The following ZDHHC15 variants were observed in gnomAD, a reference collection of about 807,000 sequenced individuals.
ZDHHC15 encodes the protein zDHHC palmitoyltransferase 15, also known as palmitoyltransferase ZDHHC15.
Under a neutral mutation model 31.7 loss-of-function variants are expected in ZDHHC15, and 19 were observed. That is an observed-to-expected ratio of 0.60 (90% CI 0.42 to 0.88). The LOEUF (loss-of-function observed/expected upper bound fraction) is 0.88, where lower values mean the gene tolerates loss of function less well. Ranked by LOEUF, ZDHHC15 falls within the 40% of genes least tolerant of loss-of-function variation. The probability of loss-of-function intolerance (pLI) is 0.00; values close to 1 mark genes in which losing one functional copy is unlikely to be tolerated. For missense variants in ZDHHC15, 209 were observed against 251.2 expected (o/e 0.83, Z 1.14); for synonymous variants, 103 against 90.0 (o/e 1.14, Z -0.82).
chrX:75,402,005 A>C (rs1602568240), intron 10 of ZDHHC15, among the ~76,000 whole-genome samples: 1 of 112,601 alleles, frequency 8.9e-6, no homozygotes, highest in African/African-American at 3.2e-5. Flanking sequence ...ACAATCCTCA[A>C]CAAAAGTAAA....
intron 3 of ZDHHC15, among the ~76,000 whole-genome samples, chrX:75,469,360 A>G (rs2084466656): frequency 8.9e-6 from 1 of 111,839 alleles, no homozygotes; most frequent in Non-Finnish European, 1.9e-5. Flanking sequence ...TCATCTTCCC[A>G]AACTGATATT....
chrX:75,478,460 G>A (rs145940927), intron 3 of ZDHHC15, among the ~76,000 whole-genome samples: 1,396 of 111,167 alleles, frequency 0.013, 20 homozygotes, highest in African/African-American at 0.044. Context: ...ACAGGTCACC[G>A]CAGCCTCAAA....
At chrX:75,443,065 T>C (rs1256868861) in intron 4 of ZDHHC15, among the ~76,000 whole-genome samples, 7 of 108,221 alleles carry the variant, frequency 6.5e-5, no homozygotes, top group African/African-American at 2.4e-4. Context: ...TTCAATGCCA[T>C]CCCCATCAAG....
At chrX:75,484,778 C>G (rs1011574796) in intron 2 of ZDHHC15, among the ~76,000 whole-genome samples, 17 of 111,951 alleles carry the variant, frequency 1.5e-4, no homozygotes, top group African/African-American at 4.9e-4. Context: ...ATATTCTTAT[C>G]AGCTTTATTC....
intron 3 of ZDHHC15, among the ~76,000 whole-genome samples, chrX:75,470,352 T>C (rs896745150): frequency 1.8e-5 from 2 of 111,359 alleles, no homozygotes; most frequent in African/African-American, 6.5e-5. Context: ...TGGTCTATTG[T>C]GGGCCCTTGT....
intron 3 of ZDHHC15, among the ~76,000 whole-genome samples, chrX:75,474,635 C>A (rs1003320935): frequency 4.7e-5 from 5 of 105,264 alleles, no homozygotes; most frequent in African/African-American, 6.9e-5. Flanking sequence ...TCTAGAGAAC[C>A]CTGACTAAAA....
intron 1 of ZDHHC15, among the ~76,000 whole-genome samples, chrX:75,518,273 C>G (rs1410098303): frequency 9.0e-6 from 1 of 111,010 alleles, no homozygotes; most frequent in Admixed American, 9.6e-5. Flanking sequence ...AATTCAACAA[C>G]AAAAAGACAA....
At chrX:75,505,333 T>C (rs181992745) in intron 2 of ZDHHC15, among the ~76,000 whole-genome samples, 21 of 111,460 alleles carry the variant, frequency 1.9e-4, no homozygotes, top group African/African-American at 5.8e-4. Context: ...AATGGAAAAA[T>C]GCCACAATCT....
chrX:75,520,732 C>T (rs1425604873), intron 1 of ZDHHC15, among the ~76,000 whole-genome samples: 1 of 110,532 alleles, frequency 9.0e-6, no homozygotes, highest in Non-Finnish European at 1.9e-5. Context: ...TAATGCATCC[C>T]AATACTGGAT....
intron 9 of ZDHHC15, among the ~76,000 whole-genome samples, chrX:75,417,661 A>G (rs981217245): frequency 2.7e-5 from 3 of 111,866 alleles, no homozygotes; most frequent in African/African-American, 9.7e-5. Context: ...CAGAAAGGTT[A>G]TTAGGAACTA....
chrX:75,451,214 A>T (rs2084111403), intron 3 of ZDHHC15, among the ~76,000 whole-genome samples: 1 of 111,995 alleles, frequency 8.9e-6, no homozygotes, highest in African/African-American at 3.2e-5. Context: ...TGGACCTCAA[A>T]CTCAATTCAT....
chrX:75,446,862 C>T (rs867725204), intron 4 of ZDHHC15, among the ~76,000 whole-genome samples: 3 of 111,836 alleles, frequency 2.7e-5, no homozygotes, highest in African/African-American at 6.5e-5. Context: ...AAAGACCTCA[C>T]GTCCTAATAT....
intron 10 of ZDHHC15, among the ~76,000 whole-genome samples, chrX:75,413,675 AAAAC>A (rs1346160517): frequency 9.0e-6 from 1 of 111,122 alleles, no homozygotes; most frequent in Non-Finnish European, 1.9e-5. Context: ...AAGAAAAAAA[AAAAC>A]AAACAACAAC....
At chrX:75,408,329 T>C (rs1372702309) in intron 10 of ZDHHC15, among the ~76,000 whole-genome samples, 2 of 112,162 alleles carry the variant, frequency 1.8e-5, no homozygotes, top group African/African-American at 6.5e-5. Context: ...ATGCATCACA[T>C]TGACAGAACC....
At chrX:75,384,717 CTG>C in intron 10 of ZDHHC15, 1 of 789,321 alleles carries the variant, frequency 1.3e-6, no homozygotes. Flanking sequence ...AGAAAGGTAC[CTG>C]TGTTCAACTA....
chrX:75,429,031 G>T, intron 7 of ZDHHC15, 47 bp downstream of exon 7: 5 of 1,190,739 alleles, frequency 4.2e-6, no homozygotes, highest in Non-Finnish European at 5.7e-6. Context: ...AAGTTGGAGT[G>T]GGTGTGCATT....
chrX:75,414,595 A>AC (rs746456826), intron 10 of ZDHHC15, among the ~76,000 whole-genome samples: 1 of 77,696 alleles, frequency 1.3e-5, no homozygotes, highest in Non-Finnish European at 2.4e-5. Flanking sequence ...ACGTCTGGCT[A>AC]TTTTTTTTTT....
intron 2 of ZDHHC15, among the ~76,000 whole-genome samples, chrX:75,492,887 C>A (rs752178402): frequency 9.0e-6 from 1 of 111,217 alleles, no homozygotes; most frequent in East Asian, 2.8e-4. Flanking sequence ...GAAGCAAGAG[C>A]AAACACATTC....
intron 9 of ZDHHC15, among the ~76,000 whole-genome samples, chrX:75,421,413 T>TA (rs2083633193): frequency 1.1e-4 from 1 of 9,087 alleles, no homozygotes; most frequent in African/African-American, 1.7e-4. Flanking sequence ...ATATATATAA[T>TA]ATATATATAA....
Sources: allele counts gnomAD v4.1 joint callset (sites outside exome capture counted in the v4.1 genomes callset), GRCh38; gene constraint gnomAD v4.1.1; transcripts MANE v1.5; gene names NCBI Gene and HGNC (gene_info 2026-07-23, HGNC 2026-07-21).